The following DCDC2C variants were observed in gnomAD, a reference collection of about 807,000 sequenced individuals.
DCDC2C encodes the protein doublecortin domain containing 2C, also known as doublecortin domain-containing protein 2C.
A neutral mutation model predicts 45.0 loss-of-function variants in DCDC2C; 44 were observed. That is an observed-to-expected ratio of 0.98 (90% CI 0.77 to 1.26). The LOEUF (loss-of-function observed/expected upper bound fraction) is 1.26, where lower values mean the gene tolerates loss of function less well. Ranked by LOEUF, DCDC2C falls within the 50% of genes most tolerant of loss-of-function variation. The probability of loss-of-function intolerance (pLI) is 0.00; values close to 1 mark genes in which losing one functional copy is unlikely to be tolerated. For synonymous variants in DCDC2C, 187 were observed against 178.8 expected (o/e 1.05, Z -0.37); for missense variants, 447 against 468.9 (o/e 0.95, Z 0.43).
chr2:3,717,928 T>C (rs1214635865), intron 2 of DCDC2C, among the ~76,000 whole-genome samples: 1 of 152,232 alleles, frequency 6.6e-6, no homozygotes, highest in Non-Finnish European at 1.5e-5. Context: ...TAACGGCCTC[T>C]TCCTCCAGGA....
At chr2:3,710,488 G>A (rs1240493570) in intron 2 of DCDC2C, among the ~76,000 whole-genome samples, 2 of 152,110 alleles carry the variant, frequency 1.3e-5, no homozygotes, top group East Asian at 3.9e-4. Flanking sequence ...TTAGTTTGCT[G>A]AGGATAATGG....
intron 10 of DCDC2C, among the ~76,000 whole-genome samples, chr2:3,808,929 G>T (rs1442178874): frequency 6.6e-6 from 1 of 152,190 alleles, no homozygotes; most frequent in Non-Finnish European, 1.5e-5. Flanking sequence ...TATAGGTAGT[G>T]CAGTGTAGGA....
chr2:3,847,193 C>A lies in DCDC2C; in HGVS notation c.*10C>A, dbSNP rs989566201. ...GAAACCTGTAGATTAACAAAACCAC[C>A]TTTATTATTACCTGAAGTCCACTTT... On this transcript the variant is annotated 3_prime_UTR_variant, in exon 11 of 11. Coordinates refer to ENST00000399143, the MANE Select transcript of DCDC2C (RefSeq NM_001287444.2). The A allele has an allele frequency of 8.1e-7, 1 of 1,231,216 alleles. No homozygotes were observed. Among genetic ancestry groups the A allele is most frequent in the Admixed American group, 4.2e-5 (1 of 23,704 alleles). 76.3% of individuals were successfully genotyped at this position (1,231,216 alleles called of 1,614,324 possible).
At chr2:3,736,144 C>T (rs969496679) in intron 3 of DCDC2C, among the ~76,000 whole-genome samples, 1 of 152,092 alleles carries the variant, frequency 6.6e-6, no homozygotes, top group African/African-American at 2.4e-5. Flanking sequence ...TTAAGCAAGT[C>T]GGACACCATG....
chr2:3,718,360 C>T (rs1055253230), intron 2 of DCDC2C, among the ~76,000 whole-genome samples: 5 of 152,212 alleles, frequency 3.3e-5, no homozygotes, highest in South Asian at 4.1e-4. Context: ...TTCTATGGGA[C>T]GGCTTCTCTG....
At chr2:3,809,226 G>T (rs1414396321) in intron 10 of DCDC2C, among the ~76,000 whole-genome samples, 1 of 152,052 alleles carries the variant, frequency 6.6e-6, no homozygotes, top group African/African-American at 2.4e-5. Flanking sequence ...CAGATCTTTT[G>T]CTTTTACAAA....
chr2:3,712,492 A>G (rs1668239996), intron 2 of DCDC2C, among the ~76,000 whole-genome samples: 1 of 148,446 alleles, frequency 6.7e-6, no homozygotes, highest in South Asian at 2.1e-4. Context: ...TCTCTACAAA[A>G]AAAAAAAAAA....
chr2:3,715,841 A>G (rs1668337994), intron 2 of DCDC2C, among the ~76,000 whole-genome samples: 1 of 152,224 alleles, frequency 6.6e-6, no homozygotes, highest in Admixed American at 6.5e-5. Context: ...GGTGAGACAG[A>G]TAATAAACAA....
At chr2:3,757,406 C>T (rs530337668) in intron 6 of DCDC2C, among the ~76,000 whole-genome samples, 1 of 152,150 alleles carries the variant, frequency 6.6e-6, no homozygotes, top group Admixed American at 6.5e-5. Flanking sequence ...ATCAGCCAAT[C>T]AAAGTATCAG....
chr2:3,785,921 G>A (rs887798908), intron 10 of DCDC2C, among the ~76,000 whole-genome samples: 1 of 152,134 alleles, frequency 6.6e-6, no homozygotes, highest in Admixed American at 6.5e-5. Flanking sequence ...CGGATGTGTG[G>A]CTTCGGGAAC....
At position 3,762,071 on chromosome 2, in the gene DCDC2C, G is replaced by A. The variant is rs142861511; in HGVS notation, c.727-5683G>A. ...TTTGGAGGGCTTGAGACTTGAGACG[G>A]AGAGAAATATGGGTGTAAGACGTGA... On this transcript the variant is annotated intron_variant, in intron 6 of 10. Coordinates refer to ENST00000399143, the MANE Select transcript of DCDC2C (RefSeq NM_001287444.2). Among the ~76,000 whole-genome samples the A allele has an allele frequency of 2.1e-3, 325 of 151,950 alleles. 1 individual carries two copies. Among genetic ancestry groups the A allele is most frequent in the Middle Eastern group, 0.017 (5 of 292 alleles).
intron 10 of DCDC2C, among the ~76,000 whole-genome samples, chr2:3,799,477 T>C (rs1228637981): frequency 6.6e-6 from 1 of 152,062 alleles, no homozygotes; most frequent in Non-Finnish European, 1.5e-5. Flanking sequence ...TTCTGCTCTG[T>C]TTTTTCCCCA....
rs558726709 is a variant in DCDC2C at position 3,798,255 on chromosome 2, T to G, written c.1065+13155T>G. 9.2e-3 allele frequency among the ~76,000 whole-genome samples: 1,394 copies of G among 152,220 alleles called. 17 individuals carry two copies. The highest frequency in any genetic ancestry group is 0.032 in the African/African-American group (1,318 of 41,536). ...TTCCTCCATCCTTTTGTTTTGAGCC[T>G]ATGTGTGTCTCTGCACGTGAGATGG... On this transcript the variant is annotated intron_variant, in intron 10 of 10. Coordinates refer to ENST00000399143, the MANE Select transcript of DCDC2C (RefSeq NM_001287444.2).
At chr2:3,750,678 G>A (rs1478977875) in intron 4 of DCDC2C, among the ~76,000 whole-genome samples, 3 of 152,158 alleles carry the variant, frequency 2.0e-5, no homozygotes, top group African/African-American at 4.8e-5. Context: ...CTTGGGTGTC[G>A]CACTCAGATG....
chr2:3,767,736 T>C lies in DCDC2C; in HGVS notation c.727-18T>C. The C allele has an allele frequency of 2.6e-6, 4 of 1,550,308 alleles. No homozygotes were observed. In the South Asian group the frequency reaches 4.8e-5, roughly 18 times the overall value. On this transcript the variant is annotated intron_variant, in intron 6 of 10. Transcript: ENST00000399143. ...CCACTGTTCTTAATGGACTTTCTCT[T>C]CTTCATTTGTCCTGTAGGTGGACTC...
intron 3 of DCDC2C, among the ~76,000 whole-genome samples, chr2:3,729,350 C>T (rs1668792216): frequency 6.6e-6 from 1 of 152,148 alleles, no homozygotes; most frequent in Non-Finnish European, 1.5e-5. Context: ...GCCCTCATTG[C>T]GAGACTGACG....
chr2:3,726,826 C>T (rs1219907959), intron 2 of DCDC2C, among the ~76,000 whole-genome samples, 177 bp from the exon 3 acceptor site: 1 of 152,074 alleles, frequency 6.6e-6, no homozygotes, highest in Non-Finnish European at 1.5e-5. Flanking sequence ...TCTTCTCCTC[C>T]CCCAGCACCT....
chr2:3,758,363 T>C (rs1669782458), intron 6 of DCDC2C, among the ~76,000 whole-genome samples: 1 of 152,204 alleles, frequency 6.6e-6, no homozygotes, highest in African/African-American at 2.4e-5. Context: ...TCAATTGAAT[T>C]GTGTGTGGGG....
intron 10 of DCDC2C, among the ~76,000 whole-genome samples, chr2:3,846,115 C>T (rs1672321212): frequency 6.6e-6 from 1 of 151,786 alleles, no homozygotes; most frequent in East Asian, 1.9e-4. Context: ...TCCTTCCTTT[C>T]TCCCTCCTTC....
Sources: gnomAD v4.1 joint callset for allele counts (sites outside exome capture counted in the v4.1 genomes callset) on GRCh38, gnomAD v4.1.1 for gene constraint, MANE v1.5 for transcripts, NCBI Gene and HGNC (gene_info 2026-07-23, HGNC 2026-07-21) for gene names.